FHIT: variants seen among roughly 807,000 people sequenced by gnomAD.
The protein encoded by FHIT is fragile histidine triad diadenosine triphosphatase.
A neutral mutation model predicts 17.9 loss-of-function variants in FHIT; 19 were observed. The ratio of observed to expected loss-of-function variants is 1.06; its 90% CI spans 0.74 to 1.56. The LOEUF (loss-of-function observed/expected upper bound fraction) is 1.56, where lower values mean the gene tolerates loss of function less well. Among genes scored for constraint, FHIT ranks in the 40% most tolerant of loss-of-function variants. FHIT has a pLI of 0.00. For synonymous variants in FHIT, 81 were observed against 69.7 expected, an observed-to-expected ratio of 1.16 and a Z score of -0.81; for missense variants, 248 against 189.2, an observed-to-expected ratio of 1.31 and a Z score of -1.82.
intron 3 of FHIT, among the ~76,000 whole-genome samples, chr3:60,858,787 A>G (rs928200340): frequency 6.6e-6 from 1 of 152,214 alleles, no homozygotes; most frequent in African/African-American, 2.4e-5. Flanking sequence ...GAGACCATTT[A>G]CAGTTTGCTG....
chr3:59,797,037 A>G (rs1006277236), intron 8 of FHIT, among the ~76,000 whole-genome samples: 3 of 152,184 alleles, frequency 2.0e-5, no homozygotes, highest in Non-Finnish European at 4.4e-5. Context: ...AAAACTTCAT[A>G]GGTTTCATCA....
At chr3:60,368,193 TTTA>T (rs1221414292) in intron 5 of FHIT, among the ~76,000 whole-genome samples, 39 of 106,444 alleles carry the variant, frequency 3.7e-4, no homozygotes, top group African/African-American at 1.4e-3. Flanking sequence ...AACATATCTT[TTTA>T]AAAAAAAAAA....
At chr3:61,064,656 T>C (rs527990735) in intron 2 of FHIT, among the ~76,000 whole-genome samples, 21 of 152,180 alleles carry the variant, frequency 1.4e-4, no homozygotes, top group African/African-American at 4.8e-4. Context: ...CAACTAGATG[T>C]GAGATAAGGC....
intron 5 of FHIT, among the ~76,000 whole-genome samples, chr3:60,170,531 G>A (rs1008940524): frequency 9.9e-5 from 15 of 152,202 alleles, no homozygotes; most frequent in African/African-American, 3.1e-4. Flanking sequence ...TTGCTCACCA[G>A]TGTGACCCCA....
intron 4 of FHIT, among the ~76,000 whole-genome samples, chr3:60,612,226 T>C (rs2038807610): frequency 6.6e-6 from 1 of 152,116 alleles, no homozygotes; most frequent in African/African-American, 2.4e-5. Context: ...ACTGTGAAAC[T>C]CTCAATAAGT....
intron 8 of FHIT, among the ~76,000 whole-genome samples, chr3:59,841,459 G>T (rs1233570234): frequency 6.6e-6 from 1 of 152,166 alleles, no homozygotes; most frequent in African/African-American, 2.4e-5. Context: ...GAGTGAGGCA[G>T]GTGTGACAAG....
chr3:60,304,276 G>C (rs1264880896), intron 5 of FHIT, among the ~76,000 whole-genome samples: 1 of 152,062 alleles, frequency 6.6e-6, no homozygotes, highest in African/African-American at 2.4e-5. Context: ...ATTTTGGCAA[G>C]TAAATCAACA....
intron 5 of FHIT, among the ~76,000 whole-genome samples, chr3:60,346,905 T>C (rs937347694): frequency 1.2e-4 from 19 of 152,220 alleles, no homozygotes; most frequent in African/African-American, 4.3e-4. Context: ...AATAGATTTT[T>C]AAAATTTATT....
chr3:60,030,299 A>T (rs1427263837), intron 5 of FHIT, among the ~76,000 whole-genome samples: 1 of 152,240 alleles, frequency 6.6e-6, no homozygotes, highest in East Asian at 1.9e-4. Context: ...CACAAAAAAC[A>T]GAATGCAGCT....
intron 8 of FHIT, among the ~76,000 whole-genome samples, chr3:59,781,416 C>A (rs1702577445): frequency 6.6e-6 from 1 of 152,190 alleles, no homozygotes; most frequent in South Asian, 2.1e-4. Flanking sequence ...GGATTAAGTC[C>A]ATTTTCATTT....
chr3:60,140,149 T>C (rs1001990112), intron 5 of FHIT, among the ~76,000 whole-genome samples: 1 of 152,046 alleles, frequency 6.6e-6, no homozygotes, highest in Non-Finnish European at 1.5e-5. Context: ...TAATTGTAGA[T>C]TACAGATTGA....
chr3:59,950,376 C>A (rs1001404082), intron 7 of FHIT, among the ~76,000 whole-genome samples: 3 of 152,158 alleles, frequency 2.0e-5, no homozygotes, highest in Non-Finnish European at 4.4e-5. Flanking sequence ...TACCAGCCAC[C>A]TGACCTTGCT....
chr3:60,009,806 C>T (rs1416284178), intron 7 of FHIT, among the ~76,000 whole-genome samples: 2 of 152,152 alleles, frequency 1.3e-5, no homozygotes, highest in Non-Finnish European at 2.9e-5. Context: ...CTTCCTTGTC[C>T]CAGTCCCTGG....
intron 4 of FHIT, among the ~76,000 whole-genome samples, chr3:60,639,381 C>A (rs570168109): frequency 6.6e-6 from 1 of 151,914 alleles, no homozygotes; most frequent in Non-Finnish European, 1.5e-5. Context: ...ATGAAGAGAC[C>A]AATTAACTAA....
chr3:60,821,755 C>T (rs1439420689), intron 4 of FHIT, among the ~76,000 whole-genome samples, 164 bp downstream of exon 4: 10 of 152,006 alleles, frequency 6.6e-5, no homozygotes, highest in Non-Finnish European at 5.9e-5. Flanking sequence ...AAATAGAAGT[C>T]GAAAGAGGGT....
At chr3:60,077,690 A>ACACC (rs1292367703) in intron 5 of FHIT, among the ~76,000 whole-genome samples, 2 of 66,264 alleles carry the variant, frequency 3.0e-5, no homozygotes, top group African/African-American at 1.7e-4. Context: ...TTTACTTCAC[A>ACACC]CACACACACA....
At chr3:59,827,408 G>A (rs1244425932) in intron 8 of FHIT, among the ~76,000 whole-genome samples, 1 of 152,190 alleles carries the variant, frequency 6.6e-6, no homozygotes, top group African/African-American at 2.4e-5. Context: ...ATTGTCTACT[G>A]GATACAAAGT....
At chr3:61,250,336 TG>T (rs2040591064) in intron 1 of FHIT, among the ~76,000 whole-genome samples, 1 of 152,262 alleles carries the variant, frequency 6.6e-6, no homozygotes, top group Non-Finnish European at 1.5e-5. Context: ...CTTGGTAGTC[TG>T]GGCCCGGCCC....
chr3:60,699,092 TG>T (rs1553701391), intron 4 of FHIT, among the ~76,000 whole-genome samples: 1 of 152,210 alleles, frequency 6.6e-6, no homozygotes, highest in African/African-American at 2.4e-5. Flanking sequence ...AAATGTTTTA[TG>T]GGTATCTCTG....
Sources: allele counts gnomAD v4.1 joint callset (sites outside exome capture counted in the v4.1 genomes callset), GRCh38; gene constraint gnomAD v4.1.1; transcripts MANE v1.5; gene names NCBI Gene and HGNC (gene_info 2026-07-23, HGNC 2026-07-21).